Variants in CTNND1 observed in about 807,000 individuals in gnomAD.
CTNND1 encodes catenin delta 1.
CTNND1 carries 16 observed loss-of-function variants against 112.1 expected under a neutral mutation model. The ratio of observed to expected loss-of-function variants is 0.14; its 90% CI spans 0.10 to 0.22. The LOEUF (loss-of-function observed/expected upper bound fraction) is 0.22. Among genes scored for constraint, CTNND1 ranks in the 10% least tolerant of loss-of-function variants. The pLI, the probability that CTNND1 is intolerant of heterozygous loss-of-function variation, is 1.00. For missense variants in CTNND1, 1,008 were observed against 1,257.0 expected, an observed-to-expected ratio of 0.80 and a Z score of 3.00; for synonymous variants, 420 against 446.5, an observed-to-expected ratio of 0.94 and a Z score of 0.75.
At chr11:57,805,644 T>C (rs1363771064) in intron 9 of CTNND1, among the ~76,000 whole-genome samples, 4 of 152,272 alleles carry the variant, frequency 2.6e-5, no homozygotes, top group Non-Finnish European at 4.4e-5. Context: ...GATGATCCAA[T>C]TTCAGTCACA....
chr11:57,809,492 T>A, intron 15 of CTNND1, 26 bp downstream of exon 15: 2 of 1,579,798 alleles, frequency 1.3e-6, no homozygotes, highest in Non-Finnish European at 1.7e-6. Context: ...AAAATTACAG[T>A]CAAAAGAATT....
chr11:57,770,141 C>T lies in CTNND1; in HGVS notation c.-214+8022C>T, dbSNP rs186358566. On this transcript the variant is annotated intron_variant, in intron 1 of 20. Coordinates refer to ENST00000399050, the MANE Select transcript of CTNND1 (RefSeq NM_001085458.2). ...GGTCAGGAGTTTGAGACCAGCCTGG[C>T]CAAAATGGTGAAACCCTGTCTCTAC... Among the ~76,000 whole-genome samples the T allele has an allele frequency of 2.0e-4, 31 of 151,696 alleles. No homozygotes were observed. The East Asian group carries it at 2.9e-3, about 14-fold the overall frequency.
At chr11:57,806,817 T>C (rs539440969) in intron 11 of CTNND1, 98 bp from the exon 12 acceptor site, 11 of 1,053,188 alleles carry the variant, frequency 1.0e-5, no homozygotes, top group South Asian at 7.1e-5. Flanking sequence ...GCATCTGTGA[T>C]CAAAAGGTTC....
rs767619283 is a variant in CTNND1, at chr11:57,809,309, C to A, written c.2278C>A (p.Pro760Thr). The A allele has an allele frequency of 6.2e-7, 1 of 1,613,776 alleles. No homozygotes were observed. Among genetic ancestry groups the A allele is most frequent in the East Asian group, 2.2e-5 (1 of 44,880 alleles). Residue 760 changes from proline (P) to threonine (T), a missense_variant, in exon 15 of 21, where the codon CCA becomes ACA. By Grantham distance (38) the Pro-to-Thr change is conservative. This residue lies in a region of CTNND1 where 254 missense variants were observed against 279.5 expected (regional missense o/e 0.91). Transcript: ENST00000399050. ...TATTCCTAACTTGGTAAAGAATCTGCCAGGAGGACAGCAGAACTCCTCTTG... is the reference window on the plus strand; with the variant it reads ...TATTCCTAACTTGGTAAAGAATCTGACAGGAGGACAGCAGAACTCCTCTTG... Reference protein sequence around the residue: ...HAIPNLVKNLPGGQQNSSWNF... With the variant: ...HAIPNLVKNLTGGQQNSSWNF...
chr11:57,764,241 G>C (rs757590872), intron 1 of CTNND1: 1 of 152,040 alleles, frequency 6.6e-6, no homozygotes. Flanking sequence ...TGCGGGGCGG[G>C]GGGGCGGTTC....
At chr11:57,804,531 A>T in intron 8 of CTNND1, 132 bp from the exon 9 acceptor site, 1 of 661,132 alleles carries the variant, frequency 1.5e-6, no homozygotes, top group Non-Finnish European at 2.6e-6. Flanking sequence ...CAACTGCAGT[A>T]CCTTGCTTAT....
At chr11:57,783,778 A>G (rs1246007356) in intron 1 of CTNND1, among the ~76,000 whole-genome samples, 1 of 152,192 alleles carries the variant, frequency 6.6e-6, no homozygotes, top group Non-Finnish European at 1.5e-5. Context: ...GTCAGGTGCC[A>G]GTTAAGGCAA....
chr11:57,778,910 A>T (rs183769937), intron 1 of CTNND1, among the ~76,000 whole-genome samples: 1 of 152,296 alleles, frequency 6.6e-6, no homozygotes, highest in Admixed American at 6.5e-5. Context: ...GTCTCGGAGC[A>T]TCTAGCTACT....
intron 4 of CTNND1, 52 bp from the exon 5 acceptor site, chr11:57,795,525 G>A: frequency 6.4e-7 from 1 of 1,553,840 alleles, no homozygotes. Context: ...AGGATGGCTT[G>A]TTATACATAG....
Position 57,788,920 on chromosome 11 carries a change from C to A in CTNND1, c.-213-117C>A. ...CTTGTCACATTAAGCAATTCCAAGT[C>A]ATATTTTAAATTACTTCCTTTCATT... On this transcript the variant is annotated intron_variant, in intron 1 of 20. Coordinates refer to ENST00000399050, the MANE Select transcript of CTNND1 (RefSeq NM_001085458.2). This position sits in a 1 kb window ranked among gnomAD's most constrained non-coding sequence, Gnocchi z 4.1. The A allele has an allele frequency of 1.3e-6, 1 of 782,998 alleles. No homozygotes were observed. The highest frequency in any genetic ancestry group is 2.1e-6 in the Non-Finnish European group (1 of 468,574). The allele number at this position is 782,998 out of a possible 1,614,324, so 48.5% of individuals were successfully genotyped here.
At chr11:57,778,660 TG>T (rs1162759710) in intron 1 of CTNND1, among the ~76,000 whole-genome samples, 8 of 152,240 alleles carry the variant, frequency 5.3e-5, no homozygotes, top group African/African-American at 1.9e-4. Context: ...GGCCCGTGAT[TG>T]GTAGACAGGA....
At chr11:57,806,065 T>C (rs2062625279) in intron 10 of CTNND1, 30 bp downstream of exon 10, 3 of 1,593,184 alleles carry the variant, frequency 1.9e-6, no homozygotes, top group Non-Finnish European at 2.6e-6. Flanking sequence ...TCTTAGTCTT[T>C]AATGTGGGAT....
intron 11 of CTNND1, 65 bp downstream of exon 11, chr11:57,806,543 A>C: frequency 1.4e-6 from 2 of 1,428,518 alleles, no homozygotes; most frequent in Non-Finnish European, 1.9e-6. Context: ...TAGCTTCCCT[A>C]GTATGTCCTT....
chr11:57,803,545 G>C, intron 7 of CTNND1, 76 bp from the exon 8 acceptor site: 1 of 1,152,840 alleles, frequency 8.7e-7, no homozygotes, highest in Non-Finnish European at 1.2e-6. Context: ...TGATACGATA[G>C]GGGGATTCTC....
rs535954662 is a variant in CTNND1, at chr11:57,818,943, A to G, written c.*2635A>G. 6.6e-6 allele frequency: 1 copy of G among 152,324 alleles called. No individual in the cohort carries two copies. The highest frequency in any genetic ancestry group is 2.1e-4 in the South Asian group (1 of 4,830). 9.4% of individuals were successfully genotyped at this position (152,324 alleles called of 1,614,324 possible). ...GGGCCATAATGTTGCTTCTCAGGCT[A>G]TATGCAGTCCTTTAGTCAGAAGTCA... On this transcript the variant is annotated 3_prime_UTR_variant, in exon 21 of 21. Coordinates refer to ENST00000399050, the MANE Select transcript of CTNND1 (RefSeq NM_001085458.2).
rs546081158 is a variant in CTNND1, at chr11:57,809,084, ATAGG to A, written c.2243-185_2243-182del. Among the ~76,000 whole-genome samples the A allele has an allele frequency of 1.2e-4, 18 of 152,340 alleles. 1 individual carries two copies. The South Asian group carries it at 3.7e-3, about 32-fold the overall frequency. ...GTTGAAGTAGAAAAGAAATAAAGGAATAGGTAGGACAGTAAATCCATGGCTATTT... is the reference window on the plus strand; with the variant it reads ...GTTGAAGTAGAAAAGAAATAAAGGAATAGGACAGTAAATCCATGGCTATTT... On this transcript the variant is annotated intron_variant, in intron 14 of 20. Transcript: ENST00000399050.
chr11:57,782,326 C>T (rs941879925), intron 1 of CTNND1, among the ~76,000 whole-genome samples: 5 of 152,136 alleles, frequency 3.3e-5, no homozygotes, highest in African/African-American at 1.2e-4. Context: ...AGTTTTTCCT[C>T]ATGAAAATAA....
intron 1 of CTNND1, among the ~76,000 whole-genome samples, chr11:57,783,139 A>T (rs914921533): frequency 6.6e-6 from 1 of 152,128 alleles, no homozygotes; most frequent in Non-Finnish European, 1.5e-5. Flanking sequence ...TACAAAAATT[A>T]GCCAGGCATA....
Position 57,801,769 on chromosome 11 carries a change from G to A in CTNND1, c.993G>A (p.Ser331=), listed in dbSNP as rs761698967. ...YEDMIGEEVP[S]DQYYWAPLAQ... is the part of the protein sequence containing the mutation. ...ACATGATTGGTGAGGAGGTGCCATC[G>A]GATCAATACTACTGGGCTCCTTTGG... Residue 331 remains serine (S), a synonymous_variant, in exon 7 of 21, where the codon TCG becomes TCA. Coordinates refer to ENST00000399050, the MANE Select transcript of CTNND1 (RefSeq NM_001085458.2). 1.4e-5 allele frequency: 22 copies of A among 1,613,516 alleles called. No individual in the cohort carries two copies. Among genetic ancestry groups the A allele is most frequent in the Admixed American group, 3.3e-5 (2 of 59,990 alleles).
Sources: allele counts gnomAD v4.1 joint callset (sites outside exome capture counted in the v4.1 genomes callset), GRCh38; gene constraint gnomAD v4.1.1; regional missense constraint gnomAD v4.1.1; non-coding constraint Gnocchi (gnomAD v3.1); transcripts MANE v1.5; gene names NCBI Gene and HGNC (gene_info 2026-07-23, HGNC 2026-07-21).